Variants in NRAS observed in about 807,000 individuals in gnomAD.
The protein encoded by NRAS is GTPase NRas.
In NRAS, 6 loss-of-function variants were observed where a neutral mutation model predicts 21.3. That is an observed-to-expected ratio of 0.28 (90% CI 0.15 to 0.56). The LOEUF is 0.56. Among genes scored for constraint, NRAS ranks in the 20% least tolerant of loss-of-function variants. NRAS has a pLI of 0.93. For synonymous variants in NRAS, 84 were observed against 82.0 expected (o/e 1.02, Z -0.13); for missense variants, 143 against 231.3 (o/e 0.62, Z 2.48).
rs1231915955 is a variant in NRAS, at chr1:114,705,625, G to GT, written c.*2468dup. 1.3e-5 allele frequency: 2 copies of GT among 152,156 alleles called. No homozygotes were observed. The highest frequency in any genetic ancestry group is 4.8e-5 in the African/African-American group (2 of 41,440). 9.4% of individuals were successfully genotyped at this position (152,156 alleles called of 1,614,324 possible). ...TTTGTGCCAAAATTCACACCTAGGT[G>GT]TAACTTTTTTTTTGGAGACAAGTCT... On this transcript the variant is annotated 3_prime_UTR_variant, in exon 7 of 7. Coordinates refer to ENST00000369535, the MANE Select transcript of NRAS (RefSeq NM_002524.5).
chr1:114,716,523 G>T, intron 1 of NRAS, 135 bp downstream of exon 1: 1 of 363,050 alleles, frequency 2.8e-6, no homozygotes, highest in Non-Finnish European at 5.3e-6. Flanking sequence ...ATCTCCCCAC[G>T]TAGGCACCAA....
At chr1:114,709,279 G>T (rs1293686898) in intron 4 of NRAS, among the ~76,000 whole-genome samples, 1 of 151,452 alleles carries the variant, frequency 6.6e-6, no homozygotes, top group Non-Finnish European at 1.5e-5. Flanking sequence ...TCTACTAAAA[G>T]TACAAAAATT....
intron 3 of NRAS, among the ~76,000 whole-genome samples, chr1:114,711,509 G>A (rs1487612206): frequency 6.6e-6 from 1 of 151,380 alleles, no homozygotes; most frequent in African/African-American, 2.4e-5. Flanking sequence ...GCTGAGGCAG[G>A]AGAATCTCTC....
chr1:114,714,503 A>C (rs1659113776), intron 2 of NRAS, among the ~76,000 whole-genome samples: 1 of 152,186 alleles, frequency 6.6e-6, no homozygotes, highest in African/African-American at 2.4e-5. Context: ...AATATTCCTG[A>C]ATCAAATTCT....
chr1:114,712,556 T>C (rs1481692364), intron 3 of NRAS, among the ~76,000 whole-genome samples: 1 of 152,128 alleles, frequency 6.6e-6, no homozygotes, highest in Non-Finnish European at 1.5e-5. Flanking sequence ...TTTTATTAAG[T>C]ACTGCTATTA....
chr1:114,709,785 G>A (rs560157268), intron 3 of NRAS, 57 bp from the exon 4 acceptor site: 9 of 1,426,754 alleles, frequency 6.3e-6, no homozygotes, highest in African/African-American at 1.4e-5. Flanking sequence ...GCTGGGTACA[G>A]TGGCTCATGC....
intron 3 of NRAS, among the ~76,000 whole-genome samples, chr1:114,710,096 C>A (rs1659007961): frequency 6.6e-6 from 1 of 151,334 alleles, no homozygotes; most frequent in African/African-American, 2.4e-5. Flanking sequence ...GAAGCTGAGG[C>A]AGGAGAATCG....
chr1:114,708,510 G>A, intron 5 of NRAS, 21 bp downstream of exon 5: 2 of 1,611,560 alleles, frequency 1.2e-6, no homozygotes, highest in Non-Finnish European at 1.7e-6. Context: ...TTGTAATTAT[G>A]CCAAGAAACC....
At chr1:114,709,507 T>C (rs1458256642) in intron 4 of NRAS, 62 bp downstream of exon 4, 1 of 1,297,312 alleles carries the variant, frequency 7.7e-7, no homozygotes, top group East Asian at 2.3e-5. Flanking sequence ...ATGGATCACA[T>C]CTCTACCAGA....
intron 3 of NRAS, among the ~76,000 whole-genome samples, chr1:114,711,473 C>T (rs570411051): frequency 2.6e-5 from 4 of 151,872 alleles, no homozygotes; most frequent in East Asian, 1.9e-4. Flanking sequence ...TGGTGGTGGA[C>T]GCCTGTAATT....
At position 114,707,222 on chromosome 1, in the gene NRAS, G is replaced by A. The variant is rs14804; in HGVS notation, c.*872C>T. 30,963 of 152,480 alleles carry A rather than the reference G, an allele frequency of 0.2. 3,586 individuals carry two copies. Among genetic ancestry groups the A allele is most frequent in the Non-Finnish European group, 0.25 (17,140 of 67,974 alleles). The allele number at this position is 152,480 out of a possible 1,614,324, so 9.4% of individuals were successfully genotyped here. On this transcript the variant is annotated 3_prime_UTR_variant, in exon 7 of 7. Transcript: ENST00000369535. ...AAAATTATTAAGTGAAATTATTCAT[G>A]TGCTTTCAGTTTCATCTTTCTCCTG... is the stretch of plus-strand genomic sequence containing the variant.
At chr1:114,708,995 A>T (rs1016314813) in intron 4 of NRAS, among the ~76,000 whole-genome samples, 2 of 152,242 alleles carry the variant, frequency 1.3e-5, no homozygotes, top group African/African-American at 4.8e-5. Flanking sequence ...TGACAGAGAA[A>T]TAACTAATGT....
chr1:114,714,035 A>C, intron 2 of NRAS, 57 bp from the exon 3 acceptor site: 1 of 983,682 alleles, frequency 1.0e-6, no homozygotes, highest in South Asian at 1.4e-5. Context: ...TTTTATTAAA[A>C]ACCACAGGGA....
intron 3 of NRAS, among the ~76,000 whole-genome samples, chr1:114,712,539 G>A (rs1659070465): frequency 6.6e-6 from 1 of 152,134 alleles, no homozygotes. Flanking sequence ...CATGCCAAGT[G>A]TGGGCATTTT....
Position 114,705,849 on chromosome 1 carries a change from CT to C in NRAS, c.*2244del, listed in dbSNP as rs61758224. 103 of 152,332 alleles carry C rather than the reference CT, an allele frequency of 6.8e-4. No homozygotes were observed. Among genetic ancestry groups the C allele is most frequent in the African/African-American group, 2.3e-3 (97 of 41,564 alleles). The allele number at this position is 152,332 out of a possible 1,614,324, so 9.4% of individuals were successfully genotyped here. A position where few individuals can be genotyped will look rare whatever the true frequency, so the allele number is the denominator to read the frequency against. On this transcript the variant is annotated 3_prime_UTR_variant, in exon 7 of 7. Transcript: ENST00000369535. The stretch of plus-strand genomic sequence containing the variant: ...TCTGAATTTTGGCCCCATTTAGAAA[CT>C]TCTGTGCTTAGAACATACTTGGAAA...
intron 4 of NRAS, 137 bp downstream of exon 4, chr1:114,709,432 C>T: frequency 1.4e-6 from 1 of 737,772 alleles, no homozygotes. Flanking sequence ...GAGACTCTGC[C>T]TAAAAAAAAA....
intron 2 of NRAS, among the ~76,000 whole-genome samples, chr1:114,715,531 G>A (rs1659141950): frequency 6.6e-6 from 1 of 152,172 alleles, no homozygotes; most frequent in Admixed American, 6.5e-5. Flanking sequence ...GGAAAATGAG[G>A]TTGGGAGAGA....
chr1:114,713,958 C>T lies in NRAS; in HGVS notation c.132G>A (p.Val44=), dbSNP rs1437377780. ...ACAAACAGGTTTCACCATCTATAAC[C>T]ACTTGTTTTCTGTAAGAATCCTGGG... is the stretch of plus-strand genomic sequence containing the variant. ...PTIEDSYRKQ[V]VIDGETCLLD... is the part of the protein sequence containing the mutation. Residue 44 remains valine, a synonymous_variant, in exon 3 of 7, where the codon GTG becomes GTA. Coordinates refer to ENST00000369535, the MANE Select transcript of NRAS (RefSeq NM_002524.5). The T allele has an allele frequency of 6.3e-7, 1 of 1,595,702 alleles. No homozygotes were observed. The highest frequency in any genetic ancestry group is 8.6e-7 in the Non-Finnish European group (1 of 1,166,606).
At chr1:114,716,294 G>A in intron 1 of NRAS, 117 bp from the exon 2 acceptor site, 1 of 745,496 alleles carries the variant, frequency 1.3e-6, no homozygotes, top group South Asian at 1.4e-5. Flanking sequence ...TTCTTAAAGT[G>A]ACTAGAGAAC....
Sources: allele counts gnomAD v4.1 joint callset (sites outside exome capture counted in the v4.1 genomes callset), GRCh38; gene constraint gnomAD v4.1.1; transcripts MANE v1.5; gene names NCBI Gene and HGNC (gene_info 2026-07-23, HGNC 2026-07-21).